The following NEK2 variants were observed in gnomAD, a reference collection of about 807,000 sequenced individuals.
NEK2 encodes NIMA related kinase 2.
Under a neutral mutation model 54.1 loss-of-function variants are expected in NEK2, and 28 were observed. The observed-to-expected ratio is 0.52, with a 90% CI of 0.38 to 0.71. The LOEUF is 0.71. NEK2 is among the 30% of genes least tolerant of loss of function. The pLI is 0.00. For synonymous variants in NEK2, 176 were observed against 193.1 expected, an observed-to-expected ratio of 0.91 and a Z score of 0.73; for missense variants, 407 against 531.5, an observed-to-expected ratio of 0.77 and a Z score of 2.30.
chr1:211,658,914 T>C (rs907347859), downstream of NEK2, among the ~76,000 whole-genome samples: 6 of 152,104 alleles, frequency 3.9e-5, no homozygotes, highest in African/African-American at 1.2e-4. Context: ...CACTACTGCA[T>C]ATGCAGCCAC....
chr1:211,670,546 A>G, intron 4 of NEK2, 139 bp from the exon 5 acceptor site: 2 of 1,018,846 alleles, frequency 2.0e-6, no homozygotes, highest in Admixed American at 2.6e-5. Context: ...TTTTCTTCTT[A>G]TAAGTAAGTT....
At chr1:211,660,771 C>G (rs561019407), downstream of NEK2, 110 of 691,668 alleles carry the variant, frequency 1.6e-4, 2 homozygotes, top group South Asian at 1.4e-3. Flanking sequence ...AGGAACTCTG[C>G]AGGAAGAGCT....
At chr1:211,670,706 C>T (rs572450123) in intron 4 of NEK2, among the ~76,000 whole-genome samples, 4 of 152,120 alleles carry the variant, frequency 2.6e-5, no homozygotes, top group Non-Finnish European at 4.4e-5. Flanking sequence ...AAAATTTATC[C>T]AAACATCATC....
At chr1:211,661,135 C>T, downstream of NEK2, 2 of 745,102 alleles carry the variant, frequency 2.7e-6, no homozygotes. Flanking sequence ...GCGATAGCAT[C>T]TCCTGTCTCT....
In NEK2 at chr1:211,675,440, T is replaced by A; in HGVS notation, c.40A>T (p.Ile14Phe). 2 of 1,613,914 alleles carry A rather than the reference T, an allele frequency of 1.2e-6. No homozygotes were observed. Among genetic ancestry groups the A allele is most frequent in the Non-Finnish European group, 1.7e-6 (2 of 1,179,818 alleles). Residue 14 changes from isoleucine to phenylalanine, a missense_variant, in exon 1 of 8, where the codon ATT becomes TTT. By Grantham distance (21) the Ile-to-Phe change is conservative. Transcript: ENST00000366999. The stretch of plus-strand genomic sequence containing the variant: ...CAGCGGCCGTAGGAGCCTGTGCCAA[T>A]GGTGTACAACACTTCATAGTCCTCA... ...RAEDYEVLYT[I>F]GTGSYGRCQK... is the part of the protein sequence containing the mutation.
At chr1:211,667,918 C>T (rs185062531) in intron 6 of NEK2, among the ~76,000 whole-genome samples, 4 of 152,034 alleles carry the variant, frequency 2.6e-5, no homozygotes, top group East Asian at 3.9e-4. Flanking sequence ...TGGTGGCAGG[C>T]GCCTGTAATC....
downstream of NEK2, among the ~76,000 whole-genome samples, chr1:211,659,155 A>C (rs1226885930): frequency 6.6e-6 from 1 of 152,184 alleles, no homozygotes. Flanking sequence ...TTGAAGATGA[A>C]TTATATAGCA....
chr1:211,670,154 C>T (rs1032932040), intron 5 of NEK2, 127 bp downstream of exon 5: 3 of 1,017,560 alleles, frequency 2.9e-6, no homozygotes, highest in Admixed American at 2.9e-5. Flanking sequence ...TGTGTTAACA[C>T]AGTAAATTTA....
chr1:211,665,720 G>A lies in NEK2; in HGVS notation c.1111+1386C>T, dbSNP rs758256467. 2.0e-4 allele frequency among the ~76,000 whole-genome samples: 31 copies of A among 152,286 alleles called. 1 individual carries two copies. The highest frequency in any genetic ancestry group is 4.4e-4 in the Non-Finnish European group (30 of 68,032). On this transcript the variant is annotated intron_variant, in intron 7 of 7. Coordinates refer to ENST00000366999, the MANE Select transcript of NEK2 (RefSeq NM_002497.4). Reference sequence around the variant, plus strand: ...AAAAAGAAGGTATTTTAACAGAGATGAAGCCAAAGTTTCATATAATCCTTG... The same window carrying A: ...AAAAAGAAGGTATTTTAACAGAGATAAAGCCAAAGTTTCATATAATCCTTG...
At chr1:211,673,424 A>G (rs112357300) in intron 3 of NEK2, 59 bp downstream of exon 3, 2 of 1,602,378 alleles carry the variant, frequency 1.2e-6, no homozygotes, top group East Asian at 4.5e-5. Flanking sequence ...AAAAACAAAC[A>G]AACAAGAAAA....
chr1:211,662,136 T>G (rs765129617), downstream of NEK2, among the ~76,000 whole-genome samples: 18 of 152,286 alleles, frequency 1.2e-4, no homozygotes, highest in Middle Eastern at 3.4e-3. This position sits in a 1 kb window ranked among gnomAD's most constrained non-coding sequence, Gnocchi z 4.2. Context: ...TCGATATCCA[T>G]CCACATCTCT....
chr1:211,661,293 T>C (rs1655012082), downstream of NEK2: 2 of 568,768 alleles, frequency 3.5e-6, no homozygotes, highest in Admixed American at 4.7e-5. Flanking sequence ...GGATGCGGGT[T>C]CCTGCTTCTA....
At chr1:211,667,036 T>G (rs766596974) in intron 7 of NEK2, 70 bp downstream of exon 7, 21 of 1,601,858 alleles carry the variant, frequency 1.3e-5, no homozygotes, top group Non-Finnish European at 1.7e-5. Flanking sequence ...TAAGCCACTT[T>G]GGGAGCAACA....
At chr1:211,664,981 T>C (rs1314787696) in intron 7 of NEK2, among the ~76,000 whole-genome samples, 3 of 152,176 alleles carry the variant, frequency 2.0e-5, no homozygotes, top group Non-Finnish European at 4.4e-5. Context: ...GGACTATAGG[T>C]GCGTCACCAC....
downstream of NEK2, chr1:211,660,243 C>G (rs192033925): frequency 5.7e-6 from 2 of 353,568 alleles, no homozygotes; most frequent in East Asian, 1.2e-4. Flanking sequence ...TGGCTGGGAG[C>G]AGGGGCATTG....
intron 7 of NEK2, among the ~76,000 whole-genome samples, chr1:211,665,736 A>G (rs1366115948): frequency 6.6e-6 from 1 of 152,238 alleles, no homozygotes; most frequent in East Asian, 1.9e-4. Context: ...AAAGTTTCAT[A>G]TAATCCTTGT....
At chr1:211,660,855 C>T (rs533483038), downstream of NEK2, 51 of 714,692 alleles carry the variant, frequency 7.1e-5, no homozygotes, top group Non-Finnish European at 1.2e-4. Flanking sequence ...CTTCCAGAAG[C>T]ATAGCATCAT....
intron 7 of NEK2, among the ~76,000 whole-genome samples, chr1:211,665,839 T>C (rs1295266712): frequency 2.0e-5 from 3 of 152,248 alleles, no homozygotes; most frequent in Non-Finnish European, 4.4e-5. Context: ...TAGGGTTTTT[T>C]GTCTGTTCCA....
chr1:211,660,582 G>T (rs1407894189), downstream of NEK2: 1 of 639,072 alleles, frequency 1.6e-6, no homozygotes, highest in Non-Finnish European at 3.0e-6. Flanking sequence ...TGGCATTGGT[G>T]TGTGCCTTCT....
Sources: gnomAD v4.1 joint callset for allele counts (sites outside exome capture counted in the v4.1 genomes callset) on GRCh38, gnomAD v4.1.1 for gene constraint, Gnocchi (gnomAD v3.1) non-coding constraint, MANE v1.5 for transcripts, NCBI Gene and HGNC (gene_info 2026-07-23, HGNC 2026-07-21) for gene names.